WDPCP: variants seen among roughly 807,000 people sequenced by gnomAD.
WDPCP encodes WD repeat containing planar cell polarity effector, also known as WD repeat-containing and planar cell polarity effector protein fritz homolog.
A neutral mutation model predicts 93.1 loss-of-function variants in WDPCP; 71 were observed. The ratio of observed to expected loss-of-function variants is 0.76; its 90% confidence interval spans 0.63 to 0.93. WDPCP has a LOEUF of 0.93. Ranked by LOEUF, WDPCP falls within the 40% of genes least tolerant of loss-of-function variation. The pLI is 0.00. For synonymous variants in WDPCP, 315 were observed against 315.0 expected, an observed-to-expected ratio of 1.00 and a Z score of 0.00; for missense variants, 844 against 887.4, an observed-to-expected ratio of 0.95 and a Z score of 0.62.
chr2:63,356,793 A>G (rs960069643), intron 12 of WDPCP, among the ~76,000 whole-genome samples: 1 of 152,236 alleles, frequency 6.6e-6, no homozygotes, highest in Non-Finnish European at 1.5e-5. Context: ...AAGGAATTTC[A>G]TAGCACTAAA....
intron 2 of WDPCP, among the ~76,000 whole-genome samples, chr2:63,716,728 A>G (rs1344134886): frequency 1.3e-5 from 2 of 152,180 alleles, no homozygotes; most frequent in African/African-American, 2.4e-5. Context: ...CTTTATTGGA[A>G]AATAAAAACT....
chr2:63,566,146 T>C (rs1000952977), intron 1 of WDPCP, among the ~76,000 whole-genome samples: 1 of 152,230 alleles, frequency 6.6e-6, no homozygotes, highest in African/African-American at 2.4e-5. Flanking sequence ...GATCTGTTTT[T>C]ATACGTCTGT....
intron 12 of WDPCP, among the ~76,000 whole-genome samples, chr2:63,327,637 C>T (rs1178360558): frequency 6.6e-6 from 1 of 152,124 alleles, no homozygotes; most frequent in Non-Finnish European, 1.5e-5. Context: ...TGAGATATCG[C>T]CCGGCATTTA....
At chr2:63,836,130 C>T in the WDPCP span, among the ~76,000 whole-genome samples, 1 of 152,238 alleles carries the variant, frequency 6.6e-6, no homozygotes, top group African/African-American at 2.4e-5. Context: ...GCTGGAATTA[C>T]AGCTGTGAGC....
At chr2:63,371,912 A>G (rs1691426795) in intron 12 of WDPCP, among the ~76,000 whole-genome samples, 1 of 152,152 alleles carries the variant, frequency 6.6e-6, no homozygotes, top group Non-Finnish European at 1.5e-5. Context: ...TACCTGACAT[A>G]TTATGTATTT....
At chr2:63,266,056 A>G (rs1269565379) in intron 13 of WDPCP, among the ~76,000 whole-genome samples, 1 of 152,228 alleles carries the variant, frequency 6.6e-6, no homozygotes, top group Non-Finnish European at 1.5e-5. Context: ...TGTCATACTC[A>G]TTTGTGAAAA....
chr2:63,695,359 T>C (rs1156539940), intron 2 of WDPCP, among the ~76,000 whole-genome samples: 3 of 152,220 alleles, frequency 2.0e-5, no homozygotes, highest in Non-Finnish European at 4.4e-5. Flanking sequence ...ATTTAGAAGA[T>C]TTAAGATTAG....
intron 2 of WDPCP, among the ~76,000 whole-genome samples, chr2:63,766,243 A>G (rs1451978122): frequency 1.3e-5 from 2 of 152,182 alleles, no homozygotes; most frequent in Non-Finnish European, 2.9e-5. Flanking sequence ...CTGAACATAT[A>G]CATTACATAC....
At chr2:63,760,067 TG>T (rs1670033577) in intron 2 of WDPCP, among the ~76,000 whole-genome samples, 1 of 152,198 alleles carries the variant, frequency 6.6e-6, no homozygotes. Flanking sequence ...GGGAAGGTGG[TG>T]GGAGGCAGGA....
At chr2:63,668,992 C>T (rs1195658239) in intron 2 of WDPCP, among the ~76,000 whole-genome samples, 2 of 152,152 alleles carry the variant, frequency 1.3e-5, no homozygotes, top group Admixed American at 1.3e-4. Context: ...ATGCTTTTGG[C>T]TAGACCCTGG....
chr2:63,145,391 G>C (rs1381105012), intron 17 of WDPCP, among the ~76,000 whole-genome samples: 1 of 152,074 alleles, frequency 6.6e-6, no homozygotes, highest in African/African-American at 2.4e-5. Context: ...GTGGGGCTAG[G>C]CATGTCTGAG....
intron 17 of WDPCP, among the ~76,000 whole-genome samples, chr2:63,141,503 G>A (rs1671060659): frequency 6.6e-6 from 1 of 152,186 alleles, no homozygotes. Context: ...ATATGTTGTT[G>A]GATTTGGTTA....
chr2:63,259,452 C>G (rs368568664), intron 13 of WDPCP, 43 bp from the exon 14 acceptor site: 2 of 1,501,908 alleles, frequency 1.3e-6, no homozygotes, highest in South Asian at 1.1e-5. Flanking sequence ...CAAAATGAAC[C>G]TTGCCCAAGT....
intron 10 of WDPCP, 126 bp downstream of exon 10, chr2:63,403,922 G>A (rs1031161475): frequency 1.3e-5 from 18 of 1,349,614 alleles, no homozygotes; most frequent in African/African-American, 5.8e-5. Context: ...ATGGATATTT[G>A]AAAGGCAAAC....
chr2:63,643,973 C>G, intron 3 of WDPCP: 1 of 483,044 alleles, frequency 2.1e-6, no homozygotes, highest in Non-Finnish European at 4.2e-6. Context: ...AGTAAACACA[C>G]CAATCAATTT....
intron 12 of WDPCP, among the ~76,000 whole-genome samples, chr2:63,364,633 T>TC (rs1158429671): frequency 1.3e-5 from 2 of 152,232 alleles, no homozygotes; most frequent in Non-Finnish European, 1.5e-5. Flanking sequence ...TTGGTCCATG[T>TC]CTGTAGTGTT....
At chr2:63,477,703 A>G (rs1325587861) in intron 6 of WDPCP, 1 of 152,276 alleles carries the variant, frequency 6.6e-6, no homozygotes. Context: ...CAGCCCCAAA[A>G]CCGTGAGTGC....
At chr2:63,617,101 A>G (rs756316351) in intron 3 of WDPCP, among the ~76,000 whole-genome samples, 6 of 152,242 alleles carry the variant, frequency 3.9e-5, no homozygotes, top group Non-Finnish European at 7.3e-5. Flanking sequence ...AAAAATTTGT[A>G]ATAACTCTCA....
At position 63,484,461 on chromosome 2, in the gene WDPCP, A is replaced by G. The variant is rs1700447042; in HGVS notation, c.384+143T>C. The G allele has an allele frequency of 4.6e-6, 4 of 874,612 alleles. No homozygotes were observed. The South Asian group carries it at 6.1e-5, about 13-fold the overall frequency. 54.2% of individuals were successfully genotyped at this position (874,612 alleles called of 1,614,324 possible). On this transcript the variant is annotated intron_variant, in intron 6 of 17. Transcript: ENST00000272321. The stretch of plus-strand genomic sequence containing the variant: ...TGTCAATCTGTCTAATGTTAGCTCT[A>G]GAACAACTAGAATTCAAACTATGAA...
Sources: gnomAD v4.1 joint callset for allele counts (sites outside exome capture counted in the v4.1 genomes callset) on GRCh38, gnomAD v4.1.1 for gene constraint, MANE v1.5 for transcripts, NCBI Gene and HGNC (gene_info 2026-07-23, HGNC 2026-07-21) for gene names.